CYTH2: variants seen among roughly 807,000 people sequenced by gnomAD.
The protein encoded by CYTH2 is cytohesin-2.
In CYTH2, 24 loss-of-function variants were observed where a neutral mutation model predicts 55.4. The observed-to-expected ratio is 0.43, with a 90% CI of 0.31 to 0.61. CYTH2 has a LOEUF of 0.61. CYTH2 is among the 20% of genes least tolerant of loss of function. The probability of loss-of-function intolerance (pLI) is 0.08; values close to 1 mark genes in which losing one functional copy is unlikely to be tolerated. For synonymous variants in CYTH2, 221 were observed against 209.6 expected, an observed-to-expected ratio of 1.05 and a Z score of -0.47; for missense variants, 378 against 533.5, an observed-to-expected ratio of 0.71 and a Z score of 2.87.
At chr19:48,478,415 C>T (rs763812892) in intron 10 of CYTH2, 23 bp from the exon 11 acceptor site, 30 of 1,612,856 alleles carry the variant, frequency 1.9e-5, no homozygotes, top group East Asian at 1.1e-4. Context: ...TTCTTACCTG[C>T]GCCCTTCCTC....
rs529302026 is a variant in CYTH2 at position 48,481,444 on chromosome 19, C to T, written c.*2234C>T. The T allele has an allele frequency of 3.6e-5, 6 of 164,950 alleles. No individual in the cohort carries two copies. Among genetic ancestry groups the T allele is most frequent in the South Asian group, 2.4e-4 (2 of 8,218 alleles). The allele number at this position is 164,950 out of a possible 1,614,324, so 10.2% of individuals were successfully genotyped here. A position where few individuals can be genotyped will look rare whatever the true frequency, so the allele number is the denominator to read the frequency against. ...AGGATTTTGCGTCCGGCTCCCTCCT[C>T]GCCCAGGACCCCCAAGCTCCCAGCA... is the stretch of plus-strand genomic sequence containing the variant. On this transcript the variant is annotated 3_prime_UTR_variant, in exon 12 of 12. Transcript: ENST00000452733.
chr19:48,479,015 C>T, intron 11 of CYTH2, 108 bp from the exon 12 acceptor site: 1 of 1,133,836 alleles, frequency 8.8e-7, no homozygotes, highest in Admixed American at 1.9e-5. Flanking sequence ...ACTCCTGGGT[C>T]TGAGGGAGGA....
Position 48,474,023 on chromosome 19 carries a change from G to T in CYTH2, c.547+6G>T, listed in dbSNP as rs188841092. 2.6e-5 allele frequency: 41 copies of T among 1,601,330 alleles called. No homozygotes were observed. Among genetic ancestry groups the T allele is most frequent in the Non-Finnish European group, 3.3e-5 (39 of 1,174,122 alleles). ...TGGGGTTTTCCAGTCCACAGGTGCG[G>T]GCCCCAAATCCTGGGTCCTGGGAAA... On this transcript the variant is annotated splice_donor_region_variant and intron_variant, in intron 6 of 11. Transcript: ENST00000452733. This position sits in a 1 kb window ranked among gnomAD's most constrained non-coding sequence, Gnocchi z 4.9.
rs758178608 is a variant in CYTH2, at chr19:48,474,327, C to T, written c.693C>T (p.Leu231=). 1.3e-5 allele frequency: 20 copies of T among 1,596,306 alleles called. No individual in the cohort carries two copies. Among genetic ancestry groups the T allele is most frequent in the Non-Finnish European group, 1.7e-5 (20 of 1,171,352 alleles). ...GCGGGGACCTGCCTGAGGAGCTGCT[C>T]AGGGTCAGTCCCCCTTCCCTGCCCC... ...NEGGDLPEEL[L]RNLYDSIRNE... Residue 231 remains leucine (L), a synonymous_variant, in exon 7 of 12, where the codon CTC becomes CTT. Coordinates refer to ENST00000452733, the MANE Select transcript of CYTH2 (RefSeq NM_004228.7). This position sits in a 1 kb window ranked among gnomAD's most constrained non-coding sequence, Gnocchi z 4.9.
chr19:48,471,255 G>A (rs564136284), intron 3 of CYTH2, among the ~76,000 whole-genome samples: 29 of 151,902 alleles, frequency 1.9e-4, no homozygotes, highest in African/African-American at 5.1e-4. Flanking sequence ...CGCCTCCTGC[G>A]ATTCTCCTGC....
rs558563537 is a variant in CYTH2 at position 48,472,595 on chromosome 19, GA to G, written c.353+154del. 139 of 740,886 alleles carry G rather than the reference GA, an allele frequency of 1.9e-4. No individual in the cohort carries two copies. The African/African-American group carries it at 2.1e-3, about 11-fold the overall frequency. The allele number at this position is 740,886 out of a possible 1,614,324, so 45.9% of individuals were successfully genotyped here. A position where few individuals can be genotyped will look rare whatever the true frequency, so the allele number is the denominator to read the frequency against. On this transcript the variant is annotated intron_variant, in intron 4 of 11. Coordinates refer to ENST00000452733, the MANE Select transcript of CYTH2 (RefSeq NM_004228.7). Reference sequence around the variant, plus strand: ...TCAGCCTTCTGACTGGACTGTGACAGAATGGACTGACATGGGCTAGGGGAGC... The same window carrying G: ...TCAGCCTTCTGACTGGACTGTGACAGATGGACTGACATGGGCTAGGGGAGC...
In CYTH2 at chr19:48,478,583, A is replaced by G; in HGVS notation, c.1103A>G (p.Lys368Arg). The G allele has an allele frequency of 6.2e-7, 1 of 1,609,788 alleles. No homozygotes were observed. Among genetic ancestry groups the G allele is most frequent in the East Asian group, 2.2e-5 (1 of 44,700 alleles). Reference sequence around the variant, plus strand: ...CAGGAGGAGAAGGACGAGTGGATCAAGTCCATCCAGTGAGCCTGGACTCCT... The same window carrying G: ...CAGGAGGAGAAGGACGAGTGGATCAGGTCCATCCAGTGAGCCTGGACTCCT... ...PTQEEKDEWI[K>R]SIQAAVSVDP... The change falls in exon 11 of 12, where the codon AAG (lysine) becomes AGG (arginine). Residue 368 changes from lysine (K) to arginine (R), a missense_variant. Physicochemically the swap from Lys to Arg is conservative, Grantham distance 26. Coordinates refer to ENST00000452733, the MANE Select transcript of CYTH2 (RefSeq NM_004228.7).
Position 48,474,721 on chromosome 19 carries a change from AC to A in CYTH2, c.697-113del. On this transcript the variant is annotated intron_variant, in intron 7 of 11. Transcript: ENST00000452733. The surrounding 1 kb of genome is among the most constrained non-coding windows in gnomAD (Gnocchi z 4.9). Reference sequence around the variant, plus strand: ...CTTTCACTTCCCTCTCCTCCCCACTACCCCTCTCTCTTCCCCACTATGAGTC... The same window carrying A: ...CTTTCACTTCCCTCTCCTCCCCACTACCCTCTCTCTTCCCCACTATGAGTC... 8.6e-6 allele frequency: 7 copies of A among 812,454 alleles called. No homozygotes were observed. The South Asian group carries it at 1.1e-4, about 12-fold the overall frequency. The allele number at this position is 812,454 out of a possible 1,614,324, so 50.3% of individuals were successfully genotyped here.
At position 48,479,287 on chromosome 19, in the gene CYTH2, G is replaced by A; in HGVS notation, c.*77G>A. 1 of 1,503,208 alleles carries A rather than the reference G, an allele frequency of 6.7e-7. No homozygotes were observed. Among genetic ancestry groups the A allele is most frequent in the Non-Finnish European group, 9.2e-7 (1 of 1,085,352 alleles). The allele number at this position is 1,503,208 out of a possible 1,614,324, so 93.1% of individuals were successfully genotyped here. A position where few individuals can be genotyped will look rare whatever the true frequency, so the allele number is the denominator to read the frequency against. Reference sequence around the variant, plus strand: ...CCGGACCCCTGGGCCTTGGGGCTGTGGATCCTGGTTCCCTGTTTGGAAAAT... The same window carrying A: ...CCGGACCCCTGGGCCTTGGGGCTGTAGATCCTGGTTCCCTGTTTGGAAAAT... On this transcript the variant is annotated 3_prime_UTR_variant, in exon 12 of 12. Transcript: ENST00000452733.
rs1569089831 is a variant in CYTH2 at position 48,474,173 on chromosome 19, C to T, written c.548-9C>T. ...CCTGGGTCGTCACCACCTGCCCTGT[C>T]CGGTGCAGACACGTGCTATGTGCTG... On this transcript the variant is annotated splice_polypyrimidine_tract_variant and intron_variant, in intron 6 of 11. Transcript: ENST00000452733. The surrounding 1 kb of genome is among the most constrained non-coding windows in gnomAD (Gnocchi z 4.9). 2.5e-6 allele frequency: 4 copies of T among 1,582,730 alleles called. No homozygotes were observed. Among genetic ancestry groups the T allele is most frequent in the African/African-American group, 2.7e-5 (2 of 74,346 alleles).
At position 48,478,428 on chromosome 19, in the gene CYTH2, T is replaced by C; in HGVS notation, c.958-10T>C. ...GGTTCTTACCTGCGCCCTTCCTCTCTCGTCCCCAGAACTGCTTTGAACTTT... is the reference window on the plus strand; with the variant it reads ...GGTTCTTACCTGCGCCCTTCCTCTCCCGTCCCCAGAACTGCTTTGAACTTT... On this transcript the variant is annotated splice_polypyrimidine_tract_variant and intron_variant, in intron 10 of 11. Transcript: ENST00000452733. 1 of 1,613,466 alleles carries C rather than the reference T, an allele frequency of 6.2e-7. No homozygotes were observed. The highest frequency in any genetic ancestry group is 1.3e-5 in the African/African-American group (1 of 75,034).
intron 11 of CYTH2, 134 bp from the exon 12 acceptor site, chr19:48,478,989 G>A: frequency 1.2e-6 from 1 of 849,230 alleles, no homozygotes; most frequent in South Asian, 1.6e-5. Flanking sequence ...TGAGGGAGGA[G>A]GGGCCGGGGG....
rs1972035941 is a variant in CYTH2 at position 48,480,971 on chromosome 19, G to C, written c.*1761G>C. ...GAGGGGAGGGCAGAGGCAGGCGGCC[G>C]GTCGCGTGGGGCCTGGGCCGCCCCA... On this transcript the variant is annotated 3_prime_UTR_variant, in exon 12 of 12. Transcript: ENST00000452733. 1 of 152,236 alleles carries C rather than the reference G, an allele frequency of 6.6e-6. No individual in the cohort carries two copies. Among genetic ancestry groups the C allele is most frequent in the Non-Finnish European group, 1.5e-5 (1 of 68,124 alleles). The allele number at this position is 152,236 out of a possible 1,614,324, so 9.4% of individuals were successfully genotyped here.
chr19:48,474,743 G>A lies in CYTH2; in HGVS notation c.697-95G>A. 9.8e-7 allele frequency: 1 copy of A among 1,023,992 alleles called. No homozygotes were observed. The highest frequency in any genetic ancestry group is 2.1e-4 in the Middle Eastern group (1 of 4,878). 63.4% of individuals were successfully genotyped at this position (1,023,992 alleles called of 1,614,324 possible). A position where few individuals can be genotyped will look rare whatever the true frequency, so the allele number is the denominator to read the frequency against. On this transcript the variant is annotated intron_variant, in intron 7 of 11. Coordinates refer to ENST00000452733, the MANE Select transcript of CYTH2 (RefSeq NM_004228.7). This position sits in a 1 kb window ranked among gnomAD's most constrained non-coding sequence, Gnocchi z 4.9. Reference sequence around the variant, plus strand: ...ACTACCCCTCTCTCTTCCCCACTATGAGTCATCCCATCCCTGGTCTCGCTG... The same window carrying A: ...ACTACCCCTCTCTCTTCCCCACTATAAGTCATCCCATCCCTGGTCTCGCTG...
At chr19:48,473,451 C>A in intron 5 of CYTH2, 73 bp downstream of exon 5, 1 of 1,486,538 alleles carries the variant, frequency 6.7e-7, no homozygotes. Context: ...AGTGACAAAC[C>A]TTACTCAAGA....
rs1429863409 is a variant in CYTH2, at chr19:48,479,369, T to C, written c.*159T>C. 4 of 689,818 alleles carry C rather than the reference T, an allele frequency of 5.8e-6. No homozygotes were observed. The highest frequency in any genetic ancestry group is 9.7e-6 in the Non-Finnish European group (4 of 412,152). 42.7% of individuals were successfully genotyped at this position (689,818 alleles called of 1,614,324 possible). ...AATTAACACGCTGTTGGTAATCTTA[T>C]TAATTATTTAACCACTTGGCCTGCT... is the stretch of plus-strand genomic sequence containing the variant. On this transcript the variant is annotated 3_prime_UTR_variant, in exon 12 of 12. Coordinates refer to ENST00000452733, the MANE Select transcript of CYTH2 (RefSeq NM_004228.7).
At chr19:48,473,064 T>C (rs1971836765) in intron 4 of CYTH2, 2 of 533,486 alleles carry the variant, frequency 3.7e-6, no homozygotes, top group Non-Finnish European at 6.8e-6. Context: ...CTCCCAACTG[T>C]ACAAAGGTCT....
chr19:48,474,407 A>C lies in CYTH2; in HGVS notation c.696+77A>C. On this transcript the variant is annotated intron_variant, in intron 7 of 11. Coordinates refer to ENST00000452733, the MANE Select transcript of CYTH2 (RefSeq NM_004228.7). This position sits in a 1 kb window ranked among gnomAD's most constrained non-coding sequence, Gnocchi z 4.9. ...ACCCCCGCCCCACCTGTGGTCTCCTAGTGCCCAAGCTGTCTGCCCTCACCC... is the reference window on the plus strand; with the variant it reads ...ACCCCCGCCCCACCTGTGGTCTCCTCGTGCCCAAGCTGTCTGCCCTCACCC... 6.9e-7 allele frequency: 1 copy of C among 1,451,498 alleles called. No individual in the cohort carries two copies. The highest frequency in any genetic ancestry group is 2.4e-5 in the East Asian group (1 of 41,500). 89.9% of individuals were successfully genotyped at this position (1,451,498 alleles called of 1,614,324 possible).
chr19:48,475,060 G>C, intron 8 of CYTH2, 111 bp downstream of exon 8: 2 of 955,156 alleles, frequency 2.1e-6, no homozygotes, highest in East Asian at 2.5e-5. Context: ...CAAATGATTC[G>C]ACCTCTCTGA....
Sources: gnomAD v4.1 joint callset for allele counts (sites outside exome capture counted in the v4.1 genomes callset) on GRCh38, gnomAD v4.1.1 for gene constraint, Gnocchi (gnomAD v3.1) non-coding constraint, MANE v1.5 for transcripts, NCBI Gene and HGNC (gene_info 2026-07-23, HGNC 2026-07-21) for gene names.